NFAT5: variants seen among roughly 807,000 people sequenced by gnomAD.
The protein encoded by NFAT5 is nuclear factor of activated T-cells 5.
In NFAT5, 31 loss-of-function variants were observed where a neutral mutation model predicts 166.5. That is an observed-to-expected ratio of 0.19 (90% CI 0.14 to 0.25). The LOEUF (loss-of-function observed/expected upper bound fraction) is 0.25. Ranked by LOEUF, NFAT5 falls within the 10% of genes least tolerant of loss-of-function variation. The pLI is 1.00. For synonymous variants in NFAT5, 612 were observed against 639.7 expected, an observed-to-expected ratio of 0.96 and a Z score of 0.65; for missense variants, 1,449 against 1,821.8, an observed-to-expected ratio of 0.80 and a Z score of 3.72.
In NFAT5 at chr16:69,704,375, A is replaced by C. The variant is rs1345016244; in HGVS notation, c.*8024A>C. 2 of 152,636 alleles carry C rather than the reference A, an allele frequency of 1.3e-5. No homozygotes were observed. The highest frequency in any genetic ancestry group is 2.9e-5 in the Non-Finnish European group (2 of 68,052). The allele number at this position is 152,636 out of a possible 1,614,324, so 9.5% of individuals were successfully genotyped here. A position where few individuals can be genotyped will look rare whatever the true frequency, so the allele number is the denominator to read the frequency against. On this transcript the variant is annotated 3_prime_UTR_variant, in exon 15 of 15. Transcript: ENST00000349945. ...TTTATTTAATTTTATTTGCTTGAGCACACTGATCAACCACTGAACTGCCTT... is the reference window on the plus strand; with the variant it reads ...TTTATTTAATTTTATTTGCTTGAGCCCACTGATCAACCACTGAACTGCCTT...
rs925832187 is a variant in NFAT5 at position 69,584,473 on chromosome 16, T to C, written c.127+15925T>C. Among the ~76,000 whole-genome samples the C allele has an allele frequency of 1.1e-4, 16 of 151,874 alleles. 2 individuals carry two copies. Among genetic ancestry groups the C allele is most frequent in the East Asian group, 3.9e-4 (2 of 5,146 alleles). On this transcript the variant is annotated intron_variant, in intron 2 of 14. Coordinates refer to ENST00000349945, the MANE Select transcript of NFAT5 (RefSeq NM_138713.4). The stretch of plus-strand genomic sequence containing the variant: ...CCTCCTGAGCAGCTGGGACTACAGG[T>C]GCATGGCACCACACCTGGCTAATTT...
rs77718121 is a variant in NFAT5, at chr16:69,695,245, T to G, written c.4524T>G (p.Leu1508=). The part of the protein sequence containing the change: ...QNEGQPPVTT[L]LSQQMPENSP... ...AGGGCCAGCCACCTGTGACAACACT[T>G]CTTTCTCAGCAAATGCCAGAGAATT... Residue 1508 remains leucine, a synonymous_variant, in exon 14 of 15, where the codon CTT becomes CTG. Coordinates refer to ENST00000349945, the MANE Select transcript of NFAT5 (RefSeq NM_138713.4). 4 of 1,614,180 alleles carry G rather than the reference T, an allele frequency of 2.5e-6. No homozygotes were observed. In the South Asian group the frequency reaches 4.4e-5, roughly 18 times the overall value.
intron 2 of NFAT5, among the ~76,000 whole-genome samples, chr16:69,574,158 A>C (rs532599928): frequency 1.7e-4 from 26 of 152,306 alleles, no homozygotes; most frequent in Non-Finnish European, 3.7e-4. Context: ...GGCGTGAGCC[A>C]CTGCGCCCGG....
rs1402420163 is a variant in NFAT5 at position 69,704,095 on chromosome 16, C to T, written c.*7744C>T. ...TCAGACTTCTGTGTCCAGTAAAAAA[C>T]TCCTGCACTGAAGTCATTGTGACTT... On this transcript the variant is annotated 3_prime_UTR_variant, in exon 15 of 15. Coordinates refer to ENST00000349945, the MANE Select transcript of NFAT5 (RefSeq NM_138713.4). 1 of 152,578 alleles carries T rather than the reference C, an allele frequency of 6.6e-6. No homozygotes were observed. The highest frequency in any genetic ancestry group is 1.5e-5 in the Non-Finnish European group (1 of 68,038). 9.5% of individuals were successfully genotyped at this position (152,578 alleles called of 1,614,324 possible).
chr16:69,576,588 G>A (rs574423030), intron 2 of NFAT5, among the ~76,000 whole-genome samples: 12 of 152,130 alleles, frequency 7.9e-5, no homozygotes, highest in African/African-American at 2.9e-4. Context: ...CACCTATGTT[G>A]GCCTAGCTCA....
intron 2 of NFAT5, among the ~76,000 whole-genome samples, chr16:69,572,244 T>A (rs1207333304): frequency 1.3e-5 from 2 of 152,176 alleles, no homozygotes; most frequent in Admixed American, 6.5e-5. Context: ...TTATAATACA[T>A]GGCCATTAAA....
intron 10 of NFAT5, among the ~76,000 whole-genome samples, chr16:69,683,726 C>T (rs542271072): frequency 3.9e-5 from 6 of 152,082 alleles, no homozygotes; most frequent in Admixed American, 2.0e-4. Flanking sequence ...GAGGCCAAGG[C>T]GGGCAGATCA....
At chr16:69,610,865 T>G (rs1367091867) in intron 2 of NFAT5, among the ~76,000 whole-genome samples, 1 of 152,170 alleles carries the variant, frequency 6.6e-6, no homozygotes, top group Non-Finnish European at 1.5e-5. Flanking sequence ...CTACTACCTT[T>G]TTTCCCTCAT....
intron 3 of NFAT5, among the ~76,000 whole-genome samples, chr16:69,629,618 C>T (rs954667431): frequency 2.6e-5 from 4 of 151,620 alleles, no homozygotes; most frequent in Non-Finnish European, 5.9e-5. Context: ...TTTTGTTATC[C>T]CATTTTTTTT....
At chr16:69,677,892 C>A (rs950289160) in intron 10 of NFAT5, among the ~76,000 whole-genome samples, 1 of 152,044 alleles carries the variant, frequency 6.6e-6, no homozygotes, top group African/African-American at 2.4e-5. Context: ...GTGATGCACA[C>A]CTGTAATCTC....
rs766270692 is a variant in NFAT5 at position 69,690,958 on chromosome 16, G to A, written c.1793G>A (p.Cys598Tyr). The change falls in exon 12 of 15, where the codon TGT (cysteine) becomes TAT (tyrosine). Residue 598 changes from cysteine to tyrosine, a missense_variant. By Grantham distance (194) the Cys-to-Tyr change is radical (BLOSUM62 -2). Around this residue, in one of 7 missense-constraint regions of NFAT5, gnomAD observed 245 missense variants for 366.6 expected, o/e 0.67. Coordinates refer to ENST00000349945, the MANE Select transcript of NFAT5 (RefSeq NM_138713.4). ...EAMKAMKTTG[C>Y]NLDKVNIIPN... ...TATGCAGCAATGAAAACTACTGGATGTAATTTAGATAAGGTAAATATTATC... is the reference window on the plus strand; with the variant it reads ...TATGCAGCAATGAAAACTACTGGATATAATTTAGATAAGGTAAATATTATC... 1.3e-6 allele frequency: 2 copies of A among 1,575,396 alleles called. No individual in the cohort carries two copies. The highest frequency in any genetic ancestry group is 2.3e-5 in the East Asian group (1 of 43,778).
chr16:69,582,280 T>TAAATA (rs1296034565), intron 2 of NFAT5, among the ~76,000 whole-genome samples: 3 of 151,914 alleles, frequency 2.0e-5, no homozygotes, highest in Non-Finnish European at 2.9e-5. Flanking sequence ...AATAAGTAAA[T>TAAATA]AAATAAAATA....
chr16:69,660,076 G>T (rs2036057081), intron 7 of NFAT5, among the ~76,000 whole-genome samples, 177 bp downstream of exon 7: 1 of 152,126 alleles, frequency 6.6e-6, no homozygotes. Context: ...GTGAATACTT[G>T]GGATACAATT....
rs747928635 is a variant in NFAT5, at chr16:69,574,247, AAAAT to A, written c.127+5703_127+5706del. ...ATTAAGAGTAACAGGTAACTAGAAA[AAAAT>A]AAAGATTATTCAGTGGCATAGGATA... On this transcript the variant is annotated intron_variant, in intron 2 of 14. Transcript: ENST00000349945. 2.6e-5 allele frequency among the ~76,000 whole-genome samples: 4 copies of A among 152,302 alleles called. No homozygotes were observed. In the South Asian group the frequency reaches 8.3e-4, roughly 32 times the overall value.
intron 2 of NFAT5, among the ~76,000 whole-genome samples, chr16:69,592,605 CATA>C (rs2032537713): frequency 6.6e-6 from 1 of 152,066 alleles, no homozygotes; most frequent in African/African-American, 2.4e-5. Context: ...TTTTTTCCCT[CATA>C]ATGTTTCTAA....
intron 2 of NFAT5, among the ~76,000 whole-genome samples, chr16:69,604,145 A>G (rs759254052): frequency 4.6e-5 from 7 of 152,210 alleles, no homozygotes; most frequent in South Asian, 2.1e-4. Context: ...CCAGGGGCAC[A>G]TAGAAGCAAG....
chr16:69,580,128 T>A (rs2031570485), intron 2 of NFAT5, among the ~76,000 whole-genome samples: 1 of 152,078 alleles, frequency 6.6e-6, no homozygotes, highest in African/African-American at 2.4e-5. Flanking sequence ...CATATTAATG[T>A]AATAACTATT....
intron 3 of NFAT5, among the ~76,000 whole-genome samples, chr16:69,627,353 TATATATATATATATATATATATATATA>T (rs2034514961): frequency 1.4e-4 from 1 of 6,938 alleles, no homozygotes; most frequent in Non-Finnish European, 3.0e-4. Context: ...TATATATATA[TATATATATATATATATATATATATATA>T]TATTTTGAAG....
rs573686764 is a variant in NFAT5, at chr16:69,700,956, T to C, written c.*4605T>C. On this transcript the variant is annotated 3_prime_UTR_variant, in exon 15 of 15. Coordinates refer to ENST00000349945, the MANE Select transcript of NFAT5 (RefSeq NM_138713.4). ...AGTGCTCTAGTTACTTTACTTCTTT[T>C]TTTTTTTTTGAGATGGAGTCTTGCT... The C allele has an allele frequency of 9.9e-5, 15 of 151,988 alleles. No homozygotes were observed. The highest frequency in any genetic ancestry group is 3.1e-4 in the African/African-American group (13 of 41,418). 9.4% of individuals were successfully genotyped at this position (151,988 alleles called of 1,614,324 possible).
Sources: gnomAD v4.1 joint callset for allele counts (sites outside exome capture counted in the v4.1 genomes callset) on GRCh38, gnomAD v4.1.1 for gene constraint, gnomAD v4.1.1 regional missense constraint, MANE v1.5 for transcripts, NCBI Gene and HGNC (gene_info 2026-07-23, HGNC 2026-07-21) for gene names.